MFSD12: variants seen among roughly 807,000 people sequenced by gnomAD.
The protein encoded by MFSD12 is major facilitator superfamily domain-containing protein 12.
MFSD12 carries 67 observed loss-of-function variants against 51.2 expected under a neutral mutation model. The observed-to-expected ratio is 1.31, with a 90% confidence interval of 1.08 to 1.60. MFSD12 has a LOEUF of 1.60. Among genes scored for constraint, MFSD12 ranks in the 40% most tolerant of loss-of-function variants. MFSD12 has a pLI of 0.00. For missense variants in MFSD12, 921 were observed against 673.0 expected, an observed-to-expected ratio of 1.37 and a Z score of -4.08; for synonymous variants, 441 against 316.7, an observed-to-expected ratio of 1.39 and a Z score of -4.17.
chr19:3,545,884 G>A (rs17674497), intron 8 of MFSD12, among the ~76,000 whole-genome samples, 190 bp downstream of exon 8: 40,389 of 152,152 alleles, frequency 0.27, 7,229 homozygotes, highest in East Asian at 0.82. Flanking sequence ...TGGACCCAAC[G>A]TTTGTTGAGT....
intron 2 of MFSD12, among the ~76,000 whole-genome samples, chr19:3,549,228 C>A (rs1040361393): frequency 6.6e-6 from 1 of 152,184 alleles, no homozygotes; most frequent in African/African-American, 2.4e-5. Context: ...CCCGCTGTAC[C>A]CAGGTGTAAT....
At chr19:3,539,879 T>G (rs1340045792), downstream of MFSD12, 1 of 152,264 alleles carries the variant, frequency 6.6e-6, no homozygotes, top group Non-Finnish European at 1.5e-5. Flanking sequence ...TATCAATTGT[T>G]TAAACAATTA....
At chr19:3,546,911 G>A (rs932474925) in intron 6 of MFSD12, among the ~76,000 whole-genome samples, 8 of 152,002 alleles carry the variant, frequency 5.3e-5, no homozygotes, top group Non-Finnish European at 8.8e-5. Context: ...TCATCTCACT[G>A]CAAGCTCCGC....
chr19:3,544,189 G>A (rs1253301076), downstream of MFSD12: 4 of 1,368,716 alleles, frequency 2.9e-6, no homozygotes, highest in Admixed American at 3.4e-5. Context: ...CAGGCAGACA[G>A]GAGCCAGGCT....
chr19:3,551,705 C>A lies in MFSD12; in HGVS notation c.299-511G>T, dbSNP rs559659708. 6.6e-6 allele frequency among the ~76,000 whole-genome samples: 1 copy of A among 152,156 alleles called. No homozygotes were observed. Among genetic ancestry groups the A allele is most frequent in the Non-Finnish European group, 1.5e-5 (1 of 68,016 alleles). The stretch of plus-strand genomic sequence containing the variant: ...CCACCTGAGATCTGCGGTGGCAAGG[C>A]CTGGCTCTTCACATCCTCAGAAGAA... On this transcript the variant is annotated intron_variant, in intron 1 of 9. Transcript: ENST00000355415. This position sits in a 1 kb window ranked among gnomAD's most constrained non-coding sequence, Gnocchi z 4.6.
At chr19:3,539,585 G>T (rs964679905), downstream of MFSD12, 5 of 333,358 alleles carry the variant, frequency 1.5e-5, no homozygotes, top group African/African-American at 6.2e-5. Context: ...TTCTGTGGCT[G>T]AGAGAGTCTG....
chr19:3,545,079 C>CT lies in MFSD12; in HGVS notation c.1290-141dup, dbSNP rs2030873156. 5 of 1,142,702 alleles carry CT rather than the reference C, an allele frequency of 4.4e-6. 1 individual carries two copies. The highest frequency in any genetic ancestry group is 6.0e-6 in the Non-Finnish European group (5 of 827,030). The allele number at this position is 1,142,702 out of a possible 1,614,324, so 70.8% of individuals were successfully genotyped here. On this transcript the variant is annotated intron_variant, in intron 8 of 9. Transcript: ENST00000355415. ...AGCTGGGGGCCCTGCCACTCCCTCC[C>CT]TCCTGTCCCACACCCAACAGCTCGG...
At chr19:3,540,480 T>G (rs541864253), downstream of MFSD12, among the ~76,000 whole-genome samples, 1 of 150,852 alleles carries the variant, frequency 6.6e-6, no homozygotes, top group African/African-American at 2.4e-5. Context: ...ATGGTCTCGA[T>G]CTCCTGACCT....
Position 3,546,168 on chromosome 19 carries a change from T to G in MFSD12, c.1195A>C (p.Asn399His), listed in dbSNP as rs772854029. ...MTADLIGPHT[N>H]SGAFVYGSMS... ...GAGCCGTACACGAACGCTCCGCTGT[T>G]CTGTGGAGACACAGGCGAGGTGGTC... The change falls in exon 8 of 10, where the codon AAC becomes CAC. Residue 399 changes from asparagine (N) to histidine (H), a missense_variant and splice_region_variant. Asn to His is a moderately conservative substitution (Grantham distance 68, BLOSUM62 1). Coordinates refer to ENST00000355415, the MANE Select transcript of MFSD12 (RefSeq NM_174983.5). 14 of 1,612,796 alleles carry G rather than the reference T, an allele frequency of 8.7e-6. No individual in the cohort carries two copies. The highest frequency in any genetic ancestry group is 2.7e-5 in the African/African-American group (2 of 74,934).
downstream of MFSD12, chr19:3,542,943 G>A (rs746894462): frequency 8.7e-6 from 13 of 1,491,914 alleles, no homozygotes; most frequent in South Asian, 1.3e-4. Context: ...CAGGGCCCTT[G>A]TCCTCTCCCC....
rs555845471 is a variant in MFSD12, at chr19:3,547,902, C to T, written c.783G>A (p.Thr261=). The change falls in exon 4 of 10, where the codon ACG becomes ACA. Residue 261 remains threonine (T), a synonymous_variant. Coordinates refer to ENST00000355415, the MANE Select transcript of MFSD12 (RefSeq NM_174983.5). The stretch of plus-strand genomic sequence containing the variant: ...GCTTCCAGAGCAGCAGGGGCTGGGC[C>T]GTGGCAGGGGCCAACAGGGGGGTGT... ...GEHTPLLAPA[T]AQPLLLWKHW... The T allele has an allele frequency of 1.1e-5, 18 of 1,567,520 alleles. No homozygotes were observed. Among genetic ancestry groups the T allele is most frequent in the African/African-American group, 6.9e-5 (5 of 72,728 alleles).
chr19:3,557,180 A>T lies in MFSD12; in HGVS notation c.224T>A (p.Leu75His), dbSNP rs2031771170. The change falls in exon 1 of 10, where the codon CTC (leucine) becomes CAC (histidine). Residue 75 changes from leucine (L) to histidine (H), a missense_variant. By Grantham distance (99) the Leu-to-His change is moderately conservative (BLOSUM62 -3). Coordinates refer to ENST00000355415, the MANE Select transcript of MFSD12 (RefSeq NM_174983.5). ...GQVADGLCTP[L>H]VGYEADRAAS... ...GGCGCGGTCGGCCTCGTAGCCCACG[A>T]GCGGTGTGCACAGCCCGTCGGCCAC... 1 of 1,548,206 alleles carries T rather than the reference A, an allele frequency of 6.5e-7. No individual in the cohort carries two copies. Among genetic ancestry groups the T allele is most frequent in the Non-Finnish European group, 8.7e-7 (1 of 1,149,912 alleles).
At chr19:3,550,893 G>C (rs2031433499) in intron 2 of MFSD12, 91 bp downstream of exon 2, 10 of 1,072,418 alleles carry the variant, frequency 9.3e-6, no homozygotes, top group Non-Finnish European at 1.4e-5. Context: ...TCGAGCTGCC[G>C]AGTCTGTGGC....
At chr19:3,552,648 C>T (rs553183039) in intron 1 of MFSD12, among the ~76,000 whole-genome samples, 1 of 151,528 alleles carries the variant, frequency 6.6e-6, no homozygotes, top group South Asian at 2.1e-4. Context: ...CCACATCCAG[C>T]TAATGTTTGT....
rs576528104 is a variant in MFSD12 at position 3,544,831 on chromosome 19, C to G, written c.1398G>C (p.Leu466=). The change falls in exon 9 of 10, where the codon CTG becomes CTC. Residue 466 remains leucine, a synonymous_variant. Transcript: ENST00000355415. The part of the protein sequence containing the change: ...AAALCLCSLL[L]WPTRLRRWDR... The stretch of plus-strand genomic sequence containing the variant: ...CACAGCGTCGCAGGCGGGTCGGCCA[C>G]AGCAGGAGGCTACAGAGACACAGGG... The G allele has an allele frequency of 1.2e-5, 19 of 1,612,526 alleles. No homozygotes were observed. The highest frequency in any genetic ancestry group is 1.6e-5 in the Non-Finnish European group (19 of 1,179,680).
In MFSD12 at chr19:3,544,377, G is replaced by T; in HGVS notation, c.*333C>A. 7.8e-7 allele frequency: 1 copy of T among 1,289,860 alleles called. No individual in the cohort carries two copies. Among genetic ancestry groups the T allele is most frequent in the Non-Finnish European group, 9.8e-7 (1 of 1,018,986 alleles). The allele number at this position is 1,289,860 out of a possible 1,614,324, so 79.9% of individuals were successfully genotyped here. ...GACCCCCAGGCTGGAGGTGAGGGGTGAACTGGACTGAGCTCAGGGTTAGGG... is the reference window on the plus strand; with the variant it reads ...GACCCCCAGGCTGGAGGTGAGGGGTTAACTGGACTGAGCTCAGGGTTAGGG... On this transcript the variant is annotated 3_prime_UTR_variant, in exon 10 of 10. Coordinates refer to ENST00000355415, the MANE Select transcript of MFSD12 (RefSeq NM_174983.5).
In MFSD12 at chr19:3,547,678, G is replaced by A. The variant is rs578017778; in HGVS notation, c.838-131C>T. The A allele has an allele frequency of 8.8e-5, 102 of 1,163,078 alleles. 1 individual carries two copies. In the South Asian group the frequency reaches 1.4e-3, roughly 16 times the overall value. 72.0% of individuals were successfully genotyped at this position (1,163,078 alleles called of 1,614,324 possible). A position where few individuals can be genotyped will look rare whatever the true frequency, so the allele number is the denominator to read the frequency against. ...GATCCATTGGTAGTGACTGCCCAGT[G>A]GGGTGGGCCAGGAAGAGGAGAGCAG... On this transcript the variant is annotated intron_variant, in intron 4 of 9. Coordinates refer to ENST00000355415, the MANE Select transcript of MFSD12 (RefSeq NM_174983.5).
At chr19:3,541,165 T>G, downstream of MFSD12, among the ~76,000 whole-genome samples, 1 of 78,848 alleles carries the variant, frequency 1.3e-5, no homozygotes, top group Non-Finnish European at 2.2e-5. Flanking sequence ...CAAGACTCTG[T>G]CTCAAAAAAA....
At chr19:3,538,910 C>T in intron 4 of MFSD12, 1 of 657,914 alleles carries the variant, frequency 1.5e-6, no homozygotes, top group Admixed American at 2.1e-5. Context: ...GATGGAGAAG[C>T]CAGACCCCAG....
Sources: allele counts gnomAD v4.1 joint callset (sites outside exome capture counted in the v4.1 genomes callset), GRCh38; gene constraint gnomAD v4.1.1; non-coding constraint Gnocchi (gnomAD v3.1); transcripts MANE v1.5; gene names NCBI Gene and HGNC (gene_info 2026-07-23, HGNC 2026-07-21).